Variants in CYP2C19 observed in about 807,000 individuals in gnomAD.
The protein encoded by CYP2C19 is cytochrome P450 2C19.
In CYP2C19, 59 loss-of-function variants were observed where a neutral mutation model predicts 40.9. The observed-to-expected ratio is 1.44, with a 90% CI of 1.17 to 1.79. CYP2C19 has a LOEUF of 1.79. Among genes scored for constraint, CYP2C19 ranks in the 40% most tolerant of loss-of-function variants. The pLI is 0.00. For missense variants in CYP2C19, 754 were observed against 596.9 expected, an observed-to-expected ratio of 1.26 and a Z score of -2.74; for synonymous variants, 253 against 208.7, an observed-to-expected ratio of 1.21 and a Z score of -1.83.
intron 6 of CYP2C19, among the ~76,000 whole-genome samples, chr10:94,836,956 G>T (rs981433674): frequency 6.6e-6 from 1 of 152,138 alleles, no homozygotes; most frequent in Admixed American, 6.5e-5. Context: ...TGAACCCTTG[G>T]GGTAAAACAG....
At chr10:94,770,635 A>G (rs1848315810) in intron 1 of CYP2C19, among the ~76,000 whole-genome samples, 1 of 152,060 alleles carries the variant, frequency 6.6e-6, no homozygotes, top group Admixed American at 6.5e-5. Context: ...ATCTTTTAGG[A>G]TCAATTGACC....
intron 6 of CYP2C19, among the ~76,000 whole-genome samples, chr10:94,830,399 G>T (rs993494818): frequency 2.0e-5 from 3 of 152,018 alleles, no homozygotes; most frequent in Non-Finnish European, 2.9e-5. Flanking sequence ...CAGTATTCGG[G>T]TGGGAGTGAC....
In CYP2C19 at chr10:94,853,990, C is replaced by CTTTTGT. The variant is rs1849695610; in HGVS notation, c.*1077_*1078insTTTGTT. On this transcript the variant is annotated 3_prime_UTR_variant, in exon 9 of 9. Transcript: ENST00000371321. The stretch of plus-strand genomic sequence containing the variant: ...TGCTCATGTGTTTTGTCATGCTTCT[C>CTTTTGT]TCTTCAAACATGAACAAAATTTCTT... 6.6e-6 allele frequency among the ~76,000 whole-genome samples: 1 copy of CTTTTGT among 151,910 alleles called. No individual in the cohort carries two copies. The highest frequency in any genetic ancestry group is 2.4e-5 in the African/African-American group (1 of 41,394).
chr10:94,843,955 A>G (rs1005394623), intron 7 of CYP2C19, among the ~76,000 whole-genome samples: 3 of 152,226 alleles, frequency 2.0e-5, no homozygotes, highest in African/African-American at 7.2e-5. Context: ...ACATATATAT[A>G]GAAATAAATA....
intron 1 of CYP2C19, chr10:94,774,807 C>T: frequency 2.1e-6 from 1 of 486,000 alleles, no homozygotes; most frequent in Non-Finnish European, 3.7e-6. Context: ...AATAGACCTG[C>T]TGAATATGTT....
rs145525617 is a variant in CYP2C19 at position 94,835,765 on chromosome 10, A to G, written c.962-7072A>G. Reference sequence around the variant, plus strand: ...TGGAAGACTAGGTAAGCATACTTAGATCTGTATATATATATTTACCCTTTT... The same window carrying G: ...TGGAAGACTAGGTAAGCATACTTAGGTCTGTATATATATATTTACCCTTTT... On this transcript the variant is annotated intron_variant, in intron 6 of 8. Coordinates refer to ENST00000371321, the MANE Select transcript of CYP2C19 (RefSeq NM_000769.4). Among the ~76,000 whole-genome samples the G allele has an allele frequency of 4.2e-3, 636 of 152,152 alleles. 3 individuals are homozygous for G. Among genetic ancestry groups the G allele is most frequent in the African/African-American group, 0.014 (579 of 41,480 alleles).
intron 1 of CYP2C19, among the ~76,000 whole-genome samples, chr10:94,767,442 G>T (rs919469400): frequency 6.6e-6 from 1 of 152,172 alleles, no homozygotes; most frequent in African/African-American, 2.4e-5. Context: ...TCTCTGTCTT[G>T]CAGGGGAAAG....
intron 6 of CYP2C19, among the ~76,000 whole-genome samples, chr10:94,830,820 A>T (rs900082667): frequency 6.6e-6 from 1 of 151,952 alleles, no homozygotes; most frequent in Non-Finnish European, 1.5e-5. Flanking sequence ...GGTACAGGAG[A>T]TGTTTTGATA....
chr10:94,775,295 C>T lies in CYP2C19; in HGVS notation c.331+75C>T, dbSNP rs17887022. On this transcript the variant is annotated intron_variant, in intron 2 of 8. Coordinates refer to ENST00000371321, the MANE Select transcript of CYP2C19 (RefSeq NM_000769.4). Reference sequence around the variant, plus strand: ...TGGAAAACAGACTAGCAGAGCTTCTCGGGCAGAGCTTGGCCCATCCACATG... The same window carrying T: ...TGGAAAACAGACTAGCAGAGCTTCTTGGGCAGAGCTTGGCCCATCCACATG... The T allele has an allele frequency of 7.2e-4, 1,169 of 1,612,604 alleles. 6 individuals are homozygous for T. The African/African-American group carries it at 0.012, about 16-fold the overall frequency.
At chr10:94,796,931 C>A (rs1014060761) in intron 5 of CYP2C19, among the ~76,000 whole-genome samples, 3 of 152,122 alleles carry the variant, frequency 2.0e-5, no homozygotes, top group African/African-American at 7.2e-5. Context: ...ATCATGTCAT[C>A]TGCAAACAGG....
At chr10:94,799,103 G>T (rs1848729939) in intron 5 of CYP2C19, among the ~76,000 whole-genome samples, 1 of 151,916 alleles carries the variant, frequency 6.6e-6, no homozygotes, top group African/African-American at 2.4e-5. Context: ...AGCATTGATG[G>T]TCTTTACAAT....
At chr10:94,815,346 C>T (rs1205469125) in intron 5 of CYP2C19, among the ~76,000 whole-genome samples, 6 of 152,190 alleles carry the variant, frequency 3.9e-5, no homozygotes, top group Admixed American at 3.3e-4. Context: ...CTTGGAGACT[C>T]TAAAAGCATA....
chr10:94,809,546 C>T (rs1218213881), intron 5 of CYP2C19, among the ~76,000 whole-genome samples: 1 of 151,836 alleles, frequency 6.6e-6, no homozygotes, highest in East Asian at 1.9e-4. Flanking sequence ...GTTTGAATAC[C>T]TTTTATTTTA....
chr10:94,764,056 T>C (rs1010204041), intron 1 of CYP2C19, among the ~76,000 whole-genome samples: 3 of 152,108 alleles, frequency 2.0e-5, no homozygotes, highest in African/African-American at 7.2e-5. Flanking sequence ...CTCGCTGGCT[T>C]CAGGAGTGAA....
intron 6 of CYP2C19, among the ~76,000 whole-genome samples, chr10:94,826,691 C>G (rs1312023984): frequency 1.2e-4 from 19 of 152,132 alleles, no homozygotes; most frequent in Admixed American, 1.2e-3. Flanking sequence ...ACTTCCAACA[C>G]TATGTTGAAT....
At chr10:94,835,325 G>T (rs754740856) in intron 6 of CYP2C19, among the ~76,000 whole-genome samples, 2 of 152,266 alleles carry the variant, frequency 1.3e-5, no homozygotes, top group Admixed American at 1.3e-4. Context: ...GAAAGGTTTG[G>T]TGAAGGGTTT....
At chr10:94,831,658 G>T (rs1849337225) in intron 6 of CYP2C19, among the ~76,000 whole-genome samples, 1 of 152,154 alleles carries the variant, frequency 6.6e-6, no homozygotes, top group African/African-American at 2.4e-5. Context: ...GATCAGTGGT[G>T]TTGACCACCT....
intron 6 of CYP2C19, among the ~76,000 whole-genome samples, chr10:94,841,242 T>C (rs549686141): frequency 6.9e-4 from 105 of 152,268 alleles, no homozygotes; most frequent in African/African-American, 2.2e-3. Context: ...TTCAGGTTGA[T>C]TAGGACAAAC....
intron 6 of CYP2C19, among the ~76,000 whole-genome samples, chr10:94,832,211 T>C (rs1388924522): frequency 6.6e-6 from 1 of 152,178 alleles, no homozygotes; most frequent in Non-Finnish European, 1.5e-5. Flanking sequence ...GTTCTTATGC[T>C]TCTAATAAAG....
Sources: allele counts gnomAD v4.1 joint callset (sites outside exome capture counted in the v4.1 genomes callset), GRCh38; gene constraint gnomAD v4.1.1; transcripts MANE v1.5; gene names NCBI Gene and HGNC (gene_info 2026-07-23, HGNC 2026-07-21).